PCBP3: variants seen among roughly 807,000 people sequenced by gnomAD.
PCBP3 encodes poly(rC)-binding protein 3.
PCBP3 carries 25 observed loss-of-function variants against 52.7 expected under a neutral mutation model. That is an observed-to-expected ratio of 0.47 (90% CI 0.35 to 0.66). PCBP3 has a LOEUF of 0.66. Ranked by LOEUF, PCBP3 falls within the 30% of genes least tolerant of loss-of-function variation. The pLI is 0.01. For synonymous variants in PCBP3, 162 were observed against 183.0 expected (o/e 0.89, Z 0.93); for missense variants, 391 against 490.3 (o/e 0.80, Z 1.91).
intron 2 of PCBP3, among the ~76,000 whole-genome samples, chr21:45,732,027 G>A (rs55912508): frequency 0.22 from 32,800 of 151,956 alleles, 4,071 homozygotes; most frequent in Middle Eastern, 0.34. Flanking sequence ...TTCCTTTTGT[G>A]TTTTGTACTT....
chr21:45,862,657 G>A (rs1300652912), intron 5 of PCBP3, among the ~76,000 whole-genome samples: 1 of 152,172 alleles, frequency 6.6e-6, no homozygotes, highest in East Asian at 1.9e-4. Context: ...AGTAAGACAT[G>A]CAGGACACCA....
At chr21:45,740,739 G>A (rs761187501) in intron 3 of PCBP3, among the ~76,000 whole-genome samples, 2 of 151,826 alleles carry the variant, frequency 1.3e-5, no homozygotes, top group African/African-American at 2.4e-5. Flanking sequence ...GCACGCATGC[G>A]TGTGTGTGTG....
At position 45,821,640 on chromosome 21, in the gene PCBP3, G is replaced by A. The variant is rs2093142505; in HGVS notation, c.-125-28321G>A. ...GGTTCTTGTTCTGGCTTCTCCACGG[G>A]ACCCTCCTGTCCTCCCGTGTGATGC... On this transcript the variant is annotated intron_variant, in intron 4 of 17. Coordinates refer to ENST00000681687, the MANE Select transcript of PCBP3 (RefSeq NM_001384156.1). This position sits in a 1 kb window ranked among gnomAD's most constrained non-coding sequence, Gnocchi z 4.4. Among the ~76,000 whole-genome samples the A allele has an allele frequency of 6.6e-6, 1 of 152,082 alleles. No homozygotes were observed. The highest frequency in any genetic ancestry group is 2.1e-4 in the South Asian group (1 of 4,798).
intron 4 of PCBP3, among the ~76,000 whole-genome samples, chr21:45,789,251 G>C (rs980773405): frequency 5.3e-5 from 8 of 152,230 alleles, no homozygotes; most frequent in Non-Finnish European, 7.4e-5. Flanking sequence ...GTGTGCACGT[G>C]TGTGTGTGAT....
chr21:45,679,032 C>G (rs975682745), intron 2 of PCBP3, among the ~76,000 whole-genome samples: 26 of 151,706 alleles, frequency 1.7e-4, no homozygotes, highest in African/African-American at 6.3e-4. Context: ...CAAGACCCCA[C>G]CACTAAAAAG....
chr21:45,646,083 T>TTCTCTC (rs1164554233), intron 1 of PCBP3, among the ~76,000 whole-genome samples: 76 of 99,602 alleles, frequency 7.6e-4, no homozygotes, highest in Non-Finnish European at 1.2e-3. Context: ...CTCTCTCTCT[T>TTCTCTC]TCTCTCTCTC....
intron 2 of PCBP3, among the ~76,000 whole-genome samples, chr21:45,707,440 T>C (rs549309934): frequency 2.0e-4 from 31 of 152,194 alleles, no homozygotes; most frequent in African/African-American, 7.2e-4. Flanking sequence ...CGCTTGAACC[T>C]GGGAAGCAGA....
rs763791505 is a variant in PCBP3 at position 45,917,861 on chromosome 21, C to T, written c.717+232C>T. 45 of 564,728 alleles carry T rather than the reference C, an allele frequency of 8.0e-5. No individual in the cohort carries two copies. The highest frequency in any genetic ancestry group is 2.1e-4 in the Admixed American group (9 of 42,846). The allele number at this position is 564,728 out of a possible 1,614,324, so 35.0% of individuals were successfully genotyped here. A position where few individuals can be genotyped will look rare whatever the true frequency, so the allele number is the denominator to read the frequency against. On this transcript the variant is annotated intron_variant, in intron 13 of 17. Coordinates refer to ENST00000681687, the MANE Select transcript of PCBP3 (RefSeq NM_001384156.1). This position sits in a 1 kb window ranked among gnomAD's most constrained non-coding sequence, Gnocchi z 5.3. ...TGATGTCAAATTGTCTCAATTCTGC[C>T]GCAGTCCTGGGTTTTCCTCCCTCCC... is the stretch of plus-strand genomic sequence containing the variant.
chr21:45,730,592 C>T (rs1011340754), intron 2 of PCBP3, among the ~76,000 whole-genome samples: 1 of 152,202 alleles, frequency 6.6e-6, no homozygotes, highest in East Asian at 1.9e-4. Flanking sequence ...CCGTACTGAT[C>T]TTCTGTGTAG....
chr21:45,834,578 C>G (rs1181247817), intron 4 of PCBP3, among the ~76,000 whole-genome samples: 1 of 152,186 alleles, frequency 6.6e-6, no homozygotes, highest in Admixed American at 6.5e-5. Context: ...CCTGCTCTCC[C>G]CAGGCCACCA....
chr21:45,734,250 A>G (rs1217788125), intron 2 of PCBP3, among the ~76,000 whole-genome samples: 1 of 151,500 alleles, frequency 6.6e-6, no homozygotes, highest in East Asian at 1.9e-4. Flanking sequence ...GGGAGTAGGA[A>G]CTCTTCCCAG....
rs767875882 is a variant in PCBP3 at position 45,911,006 on chromosome 21, G to A, written c.576G>A (p.Lys192=). Residue 192 remains lysine, a synonymous_variant, in exon 11 of 18, where the codon AAG becomes AAA. Coordinates refer to ENST00000681687, the MANE Select transcript of PCBP3 (RefSeq NM_001384156.1). ...GTPDAIIQCV[K]QICVVMLESP... Reference sequence around the variant, plus strand: ...CAGATGCCATCATCCAGTGCGTCAAGCAGATCTGTGTGGTCATGCTGGAGG... The same window carrying A: ...CAGATGCCATCATCCAGTGCGTCAAACAGATCTGTGTGGTCATGCTGGAGG... 1 of 1,611,510 alleles carries A rather than the reference G, an allele frequency of 6.2e-7. No individual in the cohort carries two copies. The highest frequency in any genetic ancestry group is 8.5e-7 in the Non-Finnish European group (1 of 1,179,986).
chr21:45,923,597 G>A (rs9980566), intron 13 of PCBP3, among the ~76,000 whole-genome samples: 62,929 of 151,944 alleles, frequency 0.41, 13,916 homozygotes, highest in African/African-American at 0.57. Context: ...GTGGAGGTCT[G>A]AGAAACACTA....
At chr21:45,794,410 C>T (rs2091809443) in intron 4 of PCBP3, among the ~76,000 whole-genome samples, 1 of 151,796 alleles carries the variant, frequency 6.6e-6, no homozygotes, top group Non-Finnish European at 1.5e-5. Flanking sequence ...AATGAGACCC[C>T]ACCTCTAAAA....
chr21:45,940,320 T>G (rs1421593897), intron 17 of PCBP3, 121 bp downstream of exon 17: 4 of 790,702 alleles, frequency 5.1e-6, no homozygotes, highest in East Asian at 5.3e-5. Context: ...CTGCCTCCCC[T>G]TCTGTCCCCT....
intron 4 of PCBP3, among the ~76,000 whole-genome samples, chr21:45,771,491 G>A (rs1013681109): frequency 2.0e-5 from 3 of 152,182 alleles, no homozygotes; most frequent in African/African-American, 4.8e-5. Flanking sequence ...ATATTTCACC[G>A]TCTTAACAAA....
At chr21:45,666,652 A>G (rs552083901) in intron 1 of PCBP3, among the ~76,000 whole-genome samples, 213 of 151,398 alleles carry the variant, frequency 1.4e-3, no homozygotes, top group Non-Finnish European at 2.8e-3. Flanking sequence ...TTTTTCTTTC[A>G]TGATTTTGCA....
At chr21:45,831,425 A>T (rs867924475) in intron 4 of PCBP3, among the ~76,000 whole-genome samples, 3,228 of 145,686 alleles carry the variant, frequency 0.022, 153 homozygotes, top group African/African-American at 0.076. Context: ...AAAAAAAAAA[A>T]AAAAATCAAA....
intron 4 of PCBP3, among the ~76,000 whole-genome samples, chr21:45,833,231 T>G (rs1346819374): frequency 1.3e-5 from 2 of 152,222 alleles, no homozygotes; most frequent in African/African-American, 4.8e-5. Flanking sequence ...ACATAGTAAC[T>G]GTGGGGCAGT....
Sources: gnomAD v4.1 joint callset for allele counts (sites outside exome capture counted in the v4.1 genomes callset) on GRCh38, gnomAD v4.1.1 for gene constraint, Gnocchi (gnomAD v3.1) non-coding constraint, MANE v1.5 for transcripts, NCBI Gene and HGNC (gene_info 2026-07-23, HGNC 2026-07-21) for gene names.